Variants in GPRC6A observed in about 807,000 individuals in gnomAD.
The protein encoded by GPRC6A is G protein-coupled receptor class C group 6 member A, also known as G protein-coupled receptor family C group 6 member A.
GPRC6A carries 54 observed loss-of-function variants against 47.0 expected under a neutral mutation model. That is an observed-to-expected ratio of 1.15 (90% CI 0.92 to 1.44). The LOEUF is 1.44. Among genes scored for constraint, GPRC6A ranks in the 40% most tolerant of loss-of-function variants. The pLI is 0.00. For synonymous variants in GPRC6A, 347 were observed against 377.1 expected, an observed-to-expected ratio of 0.92 and a Z score of 0.93; for missense variants, 1,112 against 1,105.5, an observed-to-expected ratio of 1.01 and a Z score of -0.08.
At chr6:116,819,936 G>A (rs1304048625) in intron 1 of GPRC6A, among the ~76,000 whole-genome samples, 1 of 148,928 alleles carries the variant, frequency 6.7e-6, no homozygotes, top group Non-Finnish European at 1.5e-5. Context: ...TTTTTGAAAG[G>A]ATCAACAAAA....
intron 1 of GPRC6A, among the ~76,000 whole-genome samples, chr6:116,824,548 A>C (rs940901668): frequency 6.6e-6 from 1 of 152,082 alleles, no homozygotes; most frequent in African/African-American, 2.4e-5. Context: ...AATAAGGAAG[A>C]AATAGAAAAC....
At position 116,792,204 on chromosome 6, in the gene GPRC6A, A is replaced by G. The variant is rs903534849; in HGVS notation, c.2719T>C (p.Cys907Arg). The G allele has an allele frequency of 6.2e-7, 1 of 1,613,832 alleles. No individual in the cohort carries two copies. The highest frequency in any genetic ancestry group is 8.5e-7 in the Non-Finnish European group (1 of 1,179,890). Reference sequence around the variant, plus strand: ...GATACACTTGTGGCATTTTCCCTGCATATGTGTGCAAATGCTTGTGCCTGA... The same window carrying G: ...GATACACTTGTGGCATTTTCCCTGCGTATGTGTGCAAATGCTTGTGCCTGA... ...DLQAQAFAHI[C>R]RENATSVSKT... is the part of the protein sequence containing the mutation. Residue 907 changes from cysteine (C) to arginine (R), a missense_variant, in exon 6 of 6, where the codon TGC (cysteine) becomes CGC (arginine). Cys to Arg is a radical substitution (Grantham distance 180). Transcript: ENST00000310357.
intron 1 of GPRC6A, among the ~76,000 whole-genome samples, chr6:116,812,059 C>T (rs959212132): frequency 8.5e-5 from 13 of 152,122 alleles, no homozygotes; most frequent in Non-Finnish European, 1.5e-4. Flanking sequence ...CACAAATTCT[C>T]CACAGCACAT....
At chr6:116,800,323 T>C (rs1772628816) in intron 4 of GPRC6A, among the ~76,000 whole-genome samples, 2 of 145,206 alleles carry the variant, frequency 1.4e-5, no homozygotes, top group South Asian at 4.7e-4. Flanking sequence ...TTTCTTTCTT[T>C]TTTCCTTCCT....
intron 1 of GPRC6A, among the ~76,000 whole-genome samples, chr6:116,824,323 TA>T (rs1029028454): frequency 1.6e-4 from 24 of 150,634 alleles, no homozygotes; most frequent in African/African-American, 2.2e-4. Context: ...TTCAAAAAGA[TA>T]AAAAAAATTT....
Position 116,792,586 on chromosome 6 carries a change from A to C in GPRC6A, c.2337T>G (p.Asn779Lys), listed in dbSNP as rs746257000. 2 of 1,606,358 alleles carry C rather than the reference A, an allele frequency of 1.2e-6. No individual in the cohort carries two copies. Among genetic ancestry groups the C allele is most frequent in the Admixed American group, 1.7e-5 (1 of 59,442 alleles). The change falls in exon 6 of 6, where the codon AAT becomes AAG. Residue 779 changes from asparagine (N) to lysine (K), a missense_variant. Coordinates refer to ENST00000310357, the MANE Select transcript of GPRC6A (RefSeq NM_148963.4). ...TGCCAAATGTAATGAATTTGGCTTC[A>C]TTGTAATTCTCATATTTGCCTTTGA... ...FAFKGKYENYNEAKFITFGML... is the reference protein window; with the variant it reads ...FAFKGKYENYKEAKFITFGML...
intron 3 of GPRC6A, among the ~76,000 whole-genome samples, chr6:116,804,410 A>G (rs1428313104): frequency 6.6e-6 from 1 of 152,108 alleles, no homozygotes; most frequent in African/African-American, 2.4e-5. Flanking sequence ...GTACAAAGTA[A>G]TCCTTAAGAA....
At chr6:116,805,841 G>A (rs1027500008) in intron 3 of GPRC6A, among the ~76,000 whole-genome samples, 2 of 151,912 alleles carry the variant, frequency 1.3e-5, no homozygotes, top group Non-Finnish European at 2.9e-5. Context: ...GTCTTTATGT[G>A]TATATGTATT....
chr6:116,803,228 ATATACATC>A (rs1458760514), intron 3 of GPRC6A, among the ~76,000 whole-genome samples: 1 of 152,016 alleles, frequency 6.6e-6, no homozygotes, highest in Non-Finnish European at 1.5e-5. Context: ...AAATATCCAT[ATATACATC>A]TTTTCATCCT....
intron 1 of GPRC6A, among the ~76,000 whole-genome samples, chr6:116,817,489 T>G (rs1198898480): frequency 6.6e-6 from 1 of 152,096 alleles, no homozygotes; most frequent in African/African-American, 2.4e-5. Context: ...CCTCTCCTCC[T>G]CCAAAGGAAC....
chr6:116,792,716 A>C lies in GPRC6A; in HGVS notation c.2207T>G (p.Leu736Trp), dbSNP rs1772351288. The change falls in exon 6 of 6, where the codon TTG becomes TGG. Residue 736 changes from leucine (L) to tryptophan (W), a missense_variant. Physicochemically the swap from Leu to Trp is moderately conservative, Grantham distance 61. Coordinates refer to ENST00000310357, the MANE Select transcript of GPRC6A (RefSeq NM_148963.4). ...AAPTVEVNVSLPRVIILECEE... is the reference protein window; with the variant it reads ...AAPTVEVNVSWPRVIILECEE... ...ACACTCCAGGATGATGACTCTGGGC[A>C]AGGAGACATTCACCTCTACAGTAGG... The C allele has an allele frequency of 1.2e-6, 2 of 1,613,118 alleles. No homozygotes were observed. The highest frequency in any genetic ancestry group is 1.7e-6 in the Non-Finnish European group (2 of 1,179,212).
intron 1 of GPRC6A, among the ~76,000 whole-genome samples, chr6:116,811,485 C>T (rs987167134): frequency 2.6e-5 from 4 of 151,934 alleles, no homozygotes; most frequent in Non-Finnish European, 4.4e-5. Context: ...AAAAGGAACA[C>T]AATAATTCTC....
chr6:116,815,878 G>C (rs138642611), intron 1 of GPRC6A, among the ~76,000 whole-genome samples: 132 of 152,310 alleles, frequency 8.7e-4, no homozygotes, highest in African/African-American at 3.1e-3. Context: ...AAATAGCTGA[G>C]ATTGGGTAAT....
At chr6:116,823,012 C>T (rs2114623762) in intron 1 of GPRC6A, among the ~76,000 whole-genome samples, 2 of 151,596 alleles carry the variant, frequency 1.3e-5, no homozygotes, top group East Asian at 3.9e-4. Flanking sequence ...TTCTCATTGT[C>T]TTGGCTATTA....
intron 4 of GPRC6A, among the ~76,000 whole-genome samples, chr6:116,800,286 C>G (rs1230413237): frequency 7.2e-6 from 1 of 139,658 alleles, no homozygotes; most frequent in Non-Finnish European, 1.6e-5. Context: ...CCCTCCCTTC[C>G]TTCCTCTCTT....
chr6:116,797,678 G>A (rs1772533947), intron 4 of GPRC6A, among the ~76,000 whole-genome samples: 1 of 152,170 alleles, frequency 6.6e-6, no homozygotes, highest in African/African-American at 2.4e-5. Flanking sequence ...TCCCTACAGA[G>A]TCTGGAGATA....
At chr6:116,813,453 A>G (rs114959738) in intron 1 of GPRC6A, among the ~76,000 whole-genome samples, 37,665 of 152,004 alleles carry the variant, frequency 0.25, 5,177 homozygotes, top group Non-Finnish European at 0.31. Flanking sequence ...GAATAATACT[A>G]CACATCTACA....
intron 4 of GPRC6A, among the ~76,000 whole-genome samples, chr6:116,800,348 CTTCT>C (rs1317670932): frequency 9.2e-5 from 11 of 119,676 alleles, no homozygotes; most frequent in African/African-American, 3.2e-4. Flanking sequence ...TCCTTCTTTC[CTTCT>C]TTCTTTCTCT....
intron 1 of GPRC6A, among the ~76,000 whole-genome samples, chr6:116,814,712 C>T (rs1773148252): frequency 1.3e-5 from 2 of 151,698 alleles, no homozygotes; most frequent in Admixed American, 1.3e-4. Flanking sequence ...AGTATCAAAC[C>T]TGCAAGTTGT....
Sources: gnomAD v4.1 joint callset for allele counts (sites outside exome capture counted in the v4.1 genomes callset) on GRCh38, gnomAD v4.1.1 for gene constraint, MANE v1.5 for transcripts, NCBI Gene and HGNC (gene_info 2026-07-23, HGNC 2026-07-21) for gene names.